PAK5: variants seen among roughly 807,000 people sequenced by gnomAD.
PAK5 encodes the protein serine/threonine-protein kinase PAK 5.
Under a neutral mutation model 65.9 loss-of-function variants are expected in PAK5, and 16 were observed. The ratio of observed to expected loss-of-function variants is 0.24; its 90% CI spans 0.16 to 0.37. The LOEUF is 0.37. Ranked by LOEUF, PAK5 falls within the 10% of genes least tolerant of loss-of-function variation. The pLI is 1.00. For missense variants in PAK5, 785 were observed against 903.9 expected (o/e 0.87, Z 1.69); for synonymous variants, 371 against 354.9 (o/e 1.05, Z -0.51).
intron 1 of PAK5, among the ~76,000 whole-genome samples, chr20:9,771,208 C>G (rs2048828437): frequency 6.6e-6 from 1 of 152,044 alleles, no homozygotes; most frequent in African/African-American, 2.4e-5. Flanking sequence ...AGCCACATAG[C>G]CCTAACAGAG....
intron 1 of PAK5, among the ~76,000 whole-genome samples, chr20:9,734,552 G>GCACACACACACACACACA (rs56706449): frequency 1.3e-5 from 2 of 149,472 alleles, no homozygotes; most frequent in East Asian, 2.0e-4. Flanking sequence ...ACGCGCACAT[G>GCACACACACACACACACA]CACACACACA....
At chr20:9,627,191 C>T (rs761976819) in intron 3 of PAK5, among the ~76,000 whole-genome samples, 1 of 152,196 alleles carries the variant, frequency 6.6e-6, no homozygotes, top group Non-Finnish European at 1.5e-5. Context: ...GCTGTTTCTC[C>T]AGCTTTCTGC....
chr20:9,807,138 G>A (rs56880732), intron 1 of PAK5, among the ~76,000 whole-genome samples: 19 of 152,190 alleles, frequency 1.2e-4, no homozygotes, highest in African/African-American at 4.1e-4. Context: ...GATAATCTCC[G>A]CATCTCAAGA....
chr20:9,668,088 A>G (rs2047444056), intron 2 of PAK5, among the ~76,000 whole-genome samples: 1 of 152,112 alleles, frequency 6.6e-6, no homozygotes, highest in Admixed American at 6.6e-5. Flanking sequence ...TTCCTTAAGA[A>G]TTGCTTTTTC....
intron 3 of PAK5, among the ~76,000 whole-genome samples, chr20:9,624,295 T>A (rs2046811982): frequency 6.6e-6 from 1 of 152,134 alleles, no homozygotes. Flanking sequence ...GTTATCAATA[T>A]CTCAGTCACT....
chr20:9,775,930 C>T (rs939733178), intron 1 of PAK5, among the ~76,000 whole-genome samples: 16 of 151,960 alleles, frequency 1.1e-4, no homozygotes, highest in Admixed American at 2.6e-4. Context: ...GATTTTTCTT[C>T]GACATGTAAA....
chr20:9,793,980 T>C (rs1476952672), intron 1 of PAK5, among the ~76,000 whole-genome samples: 1 of 152,130 alleles, frequency 6.6e-6, no homozygotes, highest in Non-Finnish European at 1.5e-5. Flanking sequence ...ATATACACCA[T>C]GGAATACTAT....
intron 2 of PAK5, among the ~76,000 whole-genome samples, chr20:9,657,087 T>C (rs997324926): frequency 2.6e-5 from 4 of 152,194 alleles, no homozygotes; most frequent in Non-Finnish European, 4.4e-5. Context: ...ACAATCAGTG[T>C]ATAGAACTGT....
At chr20:9,750,554 G>C (rs926637482) in intron 1 of PAK5, among the ~76,000 whole-genome samples, 1 of 152,090 alleles carries the variant, frequency 6.6e-6, no homozygotes, top group Non-Finnish European at 1.5e-5. Context: ...CTGTTGGAGT[G>C]AGTTAGTCAT....
chr20:9,818,432 A>G (rs1003766127), intron 1 of PAK5, among the ~76,000 whole-genome samples: 2 of 152,188 alleles, frequency 1.3e-5, no homozygotes, highest in Non-Finnish European at 2.9e-5. Context: ...TCTACCTATC[A>G]TGATGGCCCT....
chr20:9,745,921 T>C (rs1367270233), intron 1 of PAK5, among the ~76,000 whole-genome samples: 1 of 152,088 alleles, frequency 6.6e-6, no homozygotes, highest in African/African-American at 2.4e-5. Flanking sequence ...ATATATATTG[T>C]TTTCTCAGTA....
chr20:9,829,929 C>T (rs1027979788), intron 1 of PAK5, among the ~76,000 whole-genome samples: 1 of 152,200 alleles, frequency 6.6e-6, no homozygotes, highest in East Asian at 1.9e-4. Context: ...GCCTCCAGCA[C>T]TTGTGTGGAG....
chr20:9,794,987 G>A (rs1254490825), intron 1 of PAK5, among the ~76,000 whole-genome samples: 2 of 151,792 alleles, frequency 1.3e-5, no homozygotes, highest in African/African-American at 4.8e-5. Flanking sequence ...AACACACACT[G>A]CTTACAACTC....
At position 9,634,070 on chromosome 20, in the gene PAK5, C is replaced by T. The variant is rs143229598; in HGVS notation, c.204+10055G>A. Among the ~76,000 whole-genome samples the T allele has an allele frequency of 5.1e-3, 780 of 152,152 alleles. 5 individuals carry two copies. Among genetic ancestry groups the T allele is most frequent in the African/African-American group, 0.017 (691 of 41,522 alleles). On this transcript the variant is annotated intron_variant, in intron 3 of 9. Transcript: ENST00000353224. The stretch of plus-strand genomic sequence containing the variant: ...CCTTGGCAGGAGATTACAGTTACTC[C>T]TTGATGGGGAGTAACTGAGAGCATT...
chr20:9,821,261 A>G (rs2049417430), intron 1 of PAK5, among the ~76,000 whole-genome samples: 1 of 152,112 alleles, frequency 6.6e-6, no homozygotes, highest in Non-Finnish European at 1.5e-5. Context: ...GGGACCTGTA[A>G]TCCCAGCTAC....
intron 1 of PAK5, among the ~76,000 whole-genome samples, chr20:9,802,506 C>A (rs1200868079): frequency 6.6e-6 from 1 of 152,072 alleles, no homozygotes; most frequent in African/African-American, 2.4e-5. Flanking sequence ...CATTGATTAT[C>A]TGTTGGAGGC....
In PAK5 at chr20:9,743,235, T is replaced by C. The variant is rs75367185; in HGVS notation, c.-161-31800A>G. On this transcript the variant is annotated intron_variant, in intron 1 of 9. Transcript: ENST00000353224. The stretch of plus-strand genomic sequence containing the variant: ...TAATAAAAAAATTAGCCAGGCATGG[T>C]CTTGAACACCTGTAGCCCAAGCTAC... 2.4e-4 allele frequency among the ~76,000 whole-genome samples: 36 copies of C among 152,046 alleles called. 3 individuals are homozygous for C. The East Asian group carries it at 7.0e-3, about 29-fold the overall frequency.
chr20:9,810,405 T>C (rs970614177), intron 1 of PAK5, among the ~76,000 whole-genome samples: 3 of 151,924 alleles, frequency 2.0e-5, no homozygotes, highest in African/African-American at 7.3e-5. Flanking sequence ...AGACCCTGCC[T>C]CTGCAAAAGA....
intron 2 of PAK5, among the ~76,000 whole-genome samples, chr20:9,672,813 C>G (rs1188077280): frequency 6.6e-6 from 1 of 152,252 alleles, no homozygotes; most frequent in Admixed American, 6.5e-5. Context: ...CCCACATATA[C>G]AGATAGGAAG....
Sources: allele counts gnomAD v4.1 joint callset (sites outside exome capture counted in the v4.1 genomes callset), GRCh38; gene constraint gnomAD v4.1.1; transcripts MANE v1.5; gene names NCBI Gene and HGNC (gene_info 2026-07-23, HGNC 2026-07-21).